The following GRIN2B variants were observed in gnomAD, a reference collection of about 807,000 sequenced individuals.
The protein encoded by GRIN2B is glutamate ionotropic receptor NMDA type subunit 2B, also known as glutamate receptor ionotropic, NMDA 2B.
In GRIN2B, 5 loss-of-function variants were observed where a neutral mutation model predicts 114.5. The observed-to-expected ratio is 0.04, with a 90% CI of 0.02 to 0.09. GRIN2B has a LOEUF of 0.09. Among genes scored for constraint, GRIN2B ranks in the 10% least tolerant of loss-of-function variants. The pLI is 1.00. For missense variants in GRIN2B, 1,108 were observed against 1,943.5 expected, an observed-to-expected ratio of 0.57 and a Z score of 8.08; for synonymous variants, 787 against 745.1, an observed-to-expected ratio of 1.06 and a Z score of -0.92.
chr12:13,880,403 G>A (rs1266766725), intron 2 of GRIN2B, among the ~76,000 whole-genome samples: 3 of 152,188 alleles, frequency 2.0e-5, no homozygotes, highest in South Asian at 2.1e-4. Flanking sequence ...CTCAGCTGGC[G>A]CTCGGACTTA....
chr12:13,621,613 GTTTTTTTTTT>G (rs869106790), intron 5 of GRIN2B, among the ~76,000 whole-genome samples: 3 of 72,368 alleles, frequency 4.1e-5, no homozygotes, highest in East Asian at 5.4e-4. Context: ...CCTAGTTTTT[GTTTTTTTTTT>G]TTTTTTTTTT....
chr12:13,757,428 A>G, intron 3 of GRIN2B, among the ~76,000 whole-genome samples: 1 of 152,130 alleles, frequency 6.6e-6, no homozygotes, highest in East Asian at 1.9e-4. Context: ...TCGAGTAGAA[A>G]GGACTGGTGG....
intron 3 of GRIN2B, among the ~76,000 whole-genome samples, chr12:13,834,542 C>A (rs1865219482): frequency 6.6e-6 from 1 of 152,278 alleles, no homozygotes; most frequent in East Asian, 1.9e-4. Flanking sequence ...CCTGGGTTCC[C>A]ATCATGTCAC....
intron 2 of GRIN2B, among the ~76,000 whole-genome samples, chr12:13,874,069 C>G (rs1177361391): frequency 1.3e-5 from 2 of 152,168 alleles, no homozygotes; most frequent in African/African-American, 4.8e-5. Context: ...CCTAAGCCCC[C>G]CAGCTCCTGT....
intron 10 of GRIN2B, among the ~76,000 whole-genome samples, chr12:13,579,033 G>A (rs1352218599): frequency 2.0e-5 from 3 of 152,168 alleles, no homozygotes; most frequent in African/African-American, 7.2e-5. Flanking sequence ...ACAGAACAAG[G>A]GGGCTGTCTC....
chr12:13,931,798 C>T (rs1200558494), intron 2 of GRIN2B, among the ~76,000 whole-genome samples: 1 of 152,132 alleles, frequency 6.6e-6, no homozygotes, highest in East Asian at 1.9e-4. Context: ...TCCTTCATCC[C>T]TCCATATGCA....
chr12:13,808,283 A>G (rs1177573808), intron 3 of GRIN2B, among the ~76,000 whole-genome samples: 1 of 152,110 alleles, frequency 6.6e-6, no homozygotes, highest in East Asian at 1.9e-4. Context: ...TGAGTTTGCT[A>G]GTAAGAACAG....
intron 3 of GRIN2B, among the ~76,000 whole-genome samples, chr12:13,841,886 G>A (rs558282852): frequency 9.9e-5 from 15 of 152,122 alleles, no homozygotes; most frequent in African/African-American, 3.4e-4. Context: ...AAAAAAATAT[G>A]GTATAGGACT....
At chr12:13,960,336 C>G (rs957053822) in intron 2 of GRIN2B, among the ~76,000 whole-genome samples, 2 of 152,106 alleles carry the variant, frequency 1.3e-5, no homozygotes, top group African/African-American at 4.8e-5. Context: ...CTATTATTCT[C>G]CATTATTCCC....
chr12:13,839,023 A>G (rs538878005), intron 3 of GRIN2B, among the ~76,000 whole-genome samples: 1 of 152,294 alleles, frequency 6.6e-6, no homozygotes, highest in South Asian at 2.1e-4. Context: ...TTTTTTTGCC[A>G]GCATATTCAC....
intron 4 of GRIN2B, among the ~76,000 whole-genome samples, chr12:13,725,546 C>G (rs572536564): frequency 6.6e-6 from 1 of 152,172 alleles, no homozygotes; most frequent in East Asian, 1.9e-4. Flanking sequence ...ACAGCATGAG[C>G]AAGACACAGG....
intron 4 of GRIN2B, among the ~76,000 whole-genome samples, chr12:13,702,105 G>A (rs981512872): frequency 2.0e-5 from 3 of 152,120 alleles, no homozygotes; most frequent in African/African-American, 7.2e-5. Context: ...TATAATTTAT[G>A]GATCTCTTTC....
At chr12:13,718,335 C>G (rs1030161376) in intron 4 of GRIN2B, among the ~76,000 whole-genome samples, 5 of 151,974 alleles carry the variant, frequency 3.3e-5, no homozygotes, top group African/African-American at 1.2e-4. Flanking sequence ...TCAGCCTGAT[C>G]AGTCAAGAAA....
chr12:13,797,010 TCTCA>T (rs1480507446), intron 3 of GRIN2B, among the ~76,000 whole-genome samples: 2 of 152,300 alleles, frequency 1.3e-5, no homozygotes, highest in East Asian at 3.9e-4. Context: ...CTTTTGTATT[TCTCA>T]CTCAAAGAAA....
chr12:13,687,293 T>A (rs1413081971), intron 4 of GRIN2B, among the ~76,000 whole-genome samples: 1 of 152,202 alleles, frequency 6.6e-6, no homozygotes, highest in Non-Finnish European at 1.5e-5. Context: ...TACTCCCAGT[T>A]TTTTTTAGCA....
intron 10 of GRIN2B, among the ~76,000 whole-genome samples, chr12:13,578,474 T>A (rs1165566782): frequency 6.6e-6 from 1 of 152,156 alleles, no homozygotes; most frequent in Non-Finnish European, 1.5e-5. Flanking sequence ...CAGTCCTAAC[T>A]GAGCCCTGGA....
intron 5 of GRIN2B, among the ~76,000 whole-genome samples, chr12:13,628,360 T>C (rs1206085967): frequency 2.6e-5 from 4 of 152,206 alleles, no homozygotes; most frequent in Admixed American, 6.5e-5. Context: ...CTTACTGGAC[T>C]GGTCCCCAGC....
intron 10 of GRIN2B, among the ~76,000 whole-genome samples, chr12:13,605,941 A>T (rs1364991151): frequency 6.6e-6 from 1 of 152,180 alleles, no homozygotes; most frequent in Non-Finnish European, 1.5e-5. Context: ...GCACGGTGAC[A>T]TGATCTCACC....
intron 3 of GRIN2B, among the ~76,000 whole-genome samples, chr12:13,825,496 T>TTTTGTGTGTGTGTGTGTG (rs375940899): frequency 8.1e-6 from 1 of 122,994 alleles, no homozygotes; most frequent in African/African-American, 3.1e-5. Context: ...TATATATATT[T>TTTTGTGTGTGTGTGTGTG]TGTGTGTGTG....
Sources: allele counts gnomAD v4.1 joint callset (sites outside exome capture counted in the v4.1 genomes callset), GRCh38; gene constraint gnomAD v4.1.1; transcripts MANE v1.5; gene names NCBI Gene and HGNC (gene_info 2026-07-23, HGNC 2026-07-21).